ZFYVE16: variants seen among roughly 807,000 people sequenced by gnomAD.
ZFYVE16 encodes zinc finger FYVE domain-containing protein 16.
A neutral mutation model predicts 138.1 loss-of-function variants in ZFYVE16; 89 were observed. That is an observed-to-expected ratio of 0.64 (90% CI 0.54 to 0.77). ZFYVE16 has a LOEUF of 0.77. Among genes scored for constraint, ZFYVE16 ranks in the 30% least tolerant of loss-of-function variants. The probability of loss-of-function intolerance (pLI) is 0.00; values close to 1 mark genes in which losing one functional copy is unlikely to be tolerated. For synonymous variants in ZFYVE16, 596 were observed against 618.3 expected (o/e 0.96, Z 0.53); for missense variants, 1,793 against 1,786.7 (o/e 1.00, Z -0.06).
intron 1 of ZFYVE16, among the ~76,000 whole-genome samples, chr5:80,421,728 T>G (rs1747214388): frequency 6.6e-6 from 1 of 152,208 alleles, no homozygotes; most frequent in Non-Finnish European, 1.5e-5. Context: ...TCAGGTAGCG[T>G]GATGCCTCCA....
chr5:80,421,647 G>T (rs1246504743), intron 1 of ZFYVE16, among the ~76,000 whole-genome samples: 1 of 152,070 alleles, frequency 6.6e-6, no homozygotes, highest in Non-Finnish European at 1.5e-5. Flanking sequence ...CTGTTCCATT[G>T]GTCTATATCT....
At chr5:80,460,612 T>C (rs931056169) in intron 15 of ZFYVE16, among the ~76,000 whole-genome samples, 1 of 152,202 alleles carries the variant, frequency 6.6e-6, no homozygotes, top group African/African-American at 2.4e-5. Flanking sequence ...GTGACTTTTT[T>C]TGTCATTTGA....
chr5:80,437,236 C>T lies in ZFYVE16; in HGVS notation c.551C>T (p.Thr184Ile). The change falls in exon 4 of 19, where the codon ACT becomes ATT. Residue 184 changes from threonine to isoleucine, a missense_variant. Physicochemically the swap from Thr to Ile is moderately conservative, Grantham distance 89 (BLOSUM62 -1). Around this residue, in one of 2 missense-constraint regions of ZFYVE16, gnomAD observed 1,295 missense variants for 1,204.3 expected, o/e 1.08. Transcript: ENST00000505560. Reference protein sequence around the residue: ...CVSSTDHDSDTVREQQNDISS... With the variant: ...CVSSTDHDSDIVREQQNDISS... ...TCTTCAACAGACCATGATAGTGATA[C>T]TGTCAGAGAACAACAGAATGATATC... The T allele has an allele frequency of 1.9e-6, 3 of 1,613,876 alleles. No homozygotes were observed. The highest frequency in any genetic ancestry group is 2.5e-6 in the Non-Finnish European group (3 of 1,179,920).
chr5:80,462,556 G>A (rs1278436639), intron 15 of ZFYVE16, among the ~76,000 whole-genome samples: 3 of 152,128 alleles, frequency 2.0e-5, no homozygotes, highest in Non-Finnish European at 2.9e-5. Context: ...TGAGATTTGG[G>A]TGGGGACACA....
intron 5 of ZFYVE16, among the ~76,000 whole-genome samples, chr5:80,442,345 C>T (rs1036617856): frequency 5.3e-5 from 8 of 152,262 alleles, no homozygotes; most frequent in East Asian, 1.9e-4. Flanking sequence ...TGAGCTTAAA[C>T]GATCTGCCTG....
intron 18 of ZFYVE16, among the ~76,000 whole-genome samples, chr5:80,475,612 C>T (rs1050110257): frequency 5.3e-5 from 8 of 152,136 alleles, no homozygotes; most frequent in Non-Finnish European, 1.2e-4. Context: ...TTTTCATCTT[C>T]CCTCTTTTAC....
chr5:80,441,286 C>T (rs1750681480), intron 5 of ZFYVE16: 2 of 985,324 alleles, frequency 2.0e-6, no homozygotes, highest in Non-Finnish European at 2.4e-6. Context: ...CATATTTTGA[C>T]TCTAAGGGTC....
intron 2 of ZFYVE16, among the ~76,000 whole-genome samples, chr5:80,427,971 C>CAAAAAAAAAAA (rs386404254): frequency 6.2e-5 from 3 of 48,108 alleles, no homozygotes; most frequent in East Asian, 7.7e-4. Flanking sequence ...GACTCCATCT[C>CAAAAAAAAAAA]AAAAAAAAAA....
chr5:80,436,407 A>AT (rs1561267652), intron 3 of ZFYVE16, among the ~76,000 whole-genome samples: 1 of 152,220 alleles, frequency 6.6e-6, no homozygotes, highest in East Asian at 1.9e-4. Flanking sequence ...ATCTAAGGAC[A>AT]TTCGTTTATG....
intron 2 of ZFYVE16, among the ~76,000 whole-genome samples, chr5:80,431,101 A>G (rs1307965867): frequency 6.6e-6 from 1 of 152,246 alleles, no homozygotes; most frequent in Non-Finnish European, 1.5e-5. Flanking sequence ...GGCCAGCATC[A>G]TCCTGATACC....
Position 80,474,687 on chromosome 5 carries a change from G to C in ZFYVE16, c.4318G>C (p.Asp1440His), listed in dbSNP as rs753351362. 1.9e-6 allele frequency: 3 copies of C among 1,613,166 alleles called. No homozygotes were observed. Among genetic ancestry groups the C allele is most frequent in the Non-Finnish European group, 2.5e-6 (3 of 1,179,542 alleles). ...TEVFYFLKDQ[D>H]LSILSTSYQF... is the part of the protein sequence containing the mutation. ...GGTGTTCTACTTTCTAAAGGACCAG[G>C]ATTTATCTATTTTATCAACTTCTTA... The change falls in exon 18 of 19, where the codon GAT (aspartate) becomes CAT (histidine). Residue 1440 changes from aspartate to histidine, a missense_variant. By Grantham distance (81) the Asp-to-His change is moderately conservative. Coordinates refer to ENST00000505560, the MANE Select transcript of ZFYVE16 (RefSeq NM_001284236.3).
rs1753049307 is a variant in ZFYVE16, at chr5:80,461,019, G to C, written c.4024+1525G>C. On this transcript the variant is annotated intron_variant, in intron 15 of 18. Transcript: ENST00000505560. ...AAATACTATATTTTTAAAAGAAAAA[G>C]TATTTTTTTAGAAACATAACCACAA... Among the ~76,000 whole-genome samples the C allele has an allele frequency of 2.0e-5, 3 of 151,986 alleles. No homozygotes were observed. The South Asian group carries it at 6.2e-4, about 31-fold the overall frequency.
At position 80,434,099 on chromosome 5, in the gene ZFYVE16, TA is replaced by T; in HGVS notation, c.-39-9del. The T allele has an allele frequency of 6.5e-7, 1 of 1,529,600 alleles. No individual in the cohort carries two copies. Among genetic ancestry groups the T allele is most frequent in the Admixed American group, 1.7e-5 (1 of 57,820 alleles). 94.8% of individuals were successfully genotyped at this position (1,529,600 alleles called of 1,614,324 possible). On this transcript the variant is annotated splice_polypyrimidine_tract_variant and intron_variant, in intron 2 of 18. Coordinates refer to ENST00000505560, the MANE Select transcript of ZFYVE16 (RefSeq NM_001284236.3). ...TTAAATGAAATATTATTATACTTTC[TA>T]TTTTTTAGGCATACAAGAATTAAAT...
intron 1 of ZFYVE16, among the ~76,000 whole-genome samples, chr5:80,422,976 T>C (rs1457179112): frequency 1.3e-5 from 2 of 152,216 alleles, no homozygotes; most frequent in Admixed American, 1.3e-4. Context: ...AATATTGGTC[T>C]GTAGTTTTCC....
chr5:80,428,985 G>A (rs1561252313), intron 2 of ZFYVE16, among the ~76,000 whole-genome samples: 1 of 152,214 alleles, frequency 6.6e-6, no homozygotes, highest in Non-Finnish European at 1.5e-5. Context: ...TCTAATTGGT[G>A]TACCTGAAAG....
At chr5:80,424,772 TTTTG>T (rs1328862890) in intron 1 of ZFYVE16, among the ~76,000 whole-genome samples, 3 of 152,224 alleles carry the variant, frequency 2.0e-5, no homozygotes, top group African/African-American at 7.2e-5. Flanking sequence ...TCTGAATTCC[TTTTG>T]TTTGTTTGGT....
chr5:80,449,522 G>T (rs943217763), intron 8 of ZFYVE16, 69 bp from the exon 9 acceptor site: 51 of 1,502,274 alleles, frequency 3.4e-5, no homozygotes, highest in Admixed American at 1.2e-4. Context: ...TTATAAATTT[G>T]TTTTTTTCAT....
At chr5:80,420,542 A>G (rs568044869) in intron 1 of ZFYVE16, among the ~76,000 whole-genome samples, 47 of 152,082 alleles carry the variant, frequency 3.1e-4, no homozygotes, top group African/African-American at 1.0e-3. Flanking sequence ...GAGAACATGC[A>G]GTGTTTGGTT....
Position 80,438,606 on chromosome 5 carries a change from A to G in ZFYVE16, c.1921A>G (p.Ser641Gly), listed in dbSNP as rs778643571. Residue 641 changes from serine (S) to glycine (G), a missense_variant, in exon 4 of 19, where the codon AGT becomes GGT. Ser to Gly is a moderately conservative substitution (Grantham distance 56, BLOSUM62 0). Around this residue, in one of 2 missense-constraint regions of ZFYVE16, gnomAD observed 1,295 missense variants for 1,204.3 expected, o/e 1.08. Coordinates refer to ENST00000505560, the MANE Select transcript of ZFYVE16 (RefSeq NM_001284236.3). Reference protein sequence around the residue: ...TNQLSVSDINSQSVGGARPKQ... With the variant: ...TNQLSVSDINGQSVGGARPKQ... ...TCAATTATCGGTCTCTGATATTAAC[A>G]GTCAATCTGTTGGAGGGGCCAGACC... 5 of 1,614,132 alleles carry G rather than the reference A, an allele frequency of 3.1e-6. No homozygotes were observed. In the South Asian group the frequency reaches 4.4e-5, roughly 14 times the overall value.
Sources: allele counts gnomAD v4.1 joint callset (sites outside exome capture counted in the v4.1 genomes callset), GRCh38; gene constraint gnomAD v4.1.1; regional missense constraint gnomAD v4.1.1; transcripts MANE v1.5; gene names NCBI Gene and HGNC (gene_info 2026-07-23, HGNC 2026-07-21).